The following LRRC69 variants were observed in gnomAD, a reference collection of about 807,000 sequenced individuals.
The protein encoded by LRRC69 is leucine rich repeat containing 69.
LRRC69 carries 42 observed loss-of-function variants against 37.8 expected under a neutral mutation model. That is an observed-to-expected ratio of 1.11 (90% CI 0.87 to 1.44). The LOEUF is 1.44. Among genes scored for constraint, LRRC69 ranks in the 40% most tolerant of loss-of-function variants. The pLI is 0.00. For synonymous variants in LRRC69, 141 were observed against 143.1 expected (o/e 0.99, Z 0.11); for missense variants, 357 against 401.9 (o/e 0.89, Z 0.96).
intron 6 of LRRC69, among the ~76,000 whole-genome samples, chr8:91,199,882 C>G (rs75140139): frequency 0.011 from 1,651 of 152,224 alleles, 26 homozygotes; most frequent in African/African-American, 0.037. Flanking sequence ...AGGCAACTTC[C>G]ATTTTCTTAC....
intron 2 of LRRC69, 139 bp downstream of exon 2, chr8:91,124,758 TAGG>T (rs1813690269): frequency 1.2e-5 from 8 of 671,090 alleles, no homozygotes; most frequent in Non-Finnish European, 1.9e-5. Context: ...TCTTGAAATA[TAGG>T]AGGAGACAAC....
rs548168503 is a variant in LRRC69, at chr8:91,157,825, G to A, written c.651+22086G>A. The A allele has an allele frequency of 1.2e-5, 20 of 1,606,890 alleles. 1 individual carries two copies. The South Asian group carries it at 2.1e-4, about 17-fold the overall frequency. ...GGGATTATTCCCCACAAAGGGAGTG[G>A]GAAAAGGAGCTGCATCATTTACAAG... On this transcript the variant is annotated intron_variant, in intron 5 of 7. Coordinates refer to ENST00000448384, the Ensembl canonical transcript of LRRC69.
intron 5 of LRRC69, among the ~76,000 whole-genome samples, chr8:91,153,114 C>T (rs1223980336): frequency 6.6e-6 from 1 of 150,546 alleles, no homozygotes; most frequent in African/African-American, 2.4e-5. Flanking sequence ...CAACAAAAAT[C>T]AAAAAAGAAA....
intron 7 of LRRC69, among the ~76,000 whole-genome samples, chr8:91,210,069 G>C (rs1357686322): frequency 6.6e-6 from 1 of 152,150 alleles, no homozygotes; most frequent in African/African-American, 2.4e-5. Flanking sequence ...TGGAGTCATA[G>C]ACAGAACCAA....
intron 5 of LRRC69, among the ~76,000 whole-genome samples, chr8:91,167,942 G>A (rs552796814): frequency 3.3e-5 from 5 of 151,972 alleles, no homozygotes; most frequent in African/African-American, 1.2e-4. Flanking sequence ...AATTCCCCAA[G>A]TCTCAATTTC....
intron 5 of LRRC69, among the ~76,000 whole-genome samples, chr8:91,141,378 T>C (rs1808530817): frequency 6.6e-6 from 1 of 152,114 alleles, no homozygotes; most frequent in Non-Finnish European, 1.5e-5. Flanking sequence ...CTGCAAAGAC[T>C]CTGTTTCCAA....
At chr8:91,111,518 A>G (rs1019609288) in intron 1 of LRRC69, among the ~76,000 whole-genome samples, 2 of 152,048 alleles carry the variant, frequency 1.3e-5, no homozygotes, top group African/African-American at 2.4e-5. Flanking sequence ...TGGGTGACAA[A>G]GTGAGACTCC....
chr8:91,141,862 AC>A (rs1455238324), intron 5 of LRRC69, among the ~76,000 whole-genome samples: 1 of 151,976 alleles, frequency 6.6e-6, no homozygotes, highest in African/African-American at 2.4e-5. Context: ...TGCCTTCATA[AC>A]TTTTGATGAT....
chr8:91,121,102 G>A (rs953639580), intron 1 of LRRC69, among the ~76,000 whole-genome samples: 2 of 151,640 alleles, frequency 1.3e-5, no homozygotes, highest in Non-Finnish European at 2.9e-5. Flanking sequence ...CAACATTCTG[G>A]CTCTTCATCC....
chr8:91,178,510 A>C (rs192405026), intron 5 of LRRC69, among the ~76,000 whole-genome samples: 4 of 152,318 alleles, frequency 2.6e-5, no homozygotes, highest in African/African-American at 9.6e-5. Flanking sequence ...AAATTGAGGC[A>C]AATATTTTGT....
chr8:91,139,609 G>C (rs532533954), intron 5 of LRRC69, among the ~76,000 whole-genome samples: 1 of 151,414 alleles, frequency 6.6e-6, no homozygotes, highest in Non-Finnish European at 1.5e-5. Flanking sequence ...AGTGAGCCGA[G>C]ATTGCACCAC....
chr8:91,147,852 T>A (rs1008628834), intron 5 of LRRC69, among the ~76,000 whole-genome samples: 1 of 151,624 alleles, frequency 6.6e-6, no homozygotes, highest in Admixed American at 6.6e-5. Flanking sequence ...TTGTTCTGAT[T>A]TTCTCCCCAC....
rs1282294122 is a variant in LRRC69, at chr8:91,211,618, T to TATA, written c.934-7272_934-7271insATA. 3.6e-3 allele frequency among the ~76,000 whole-genome samples: 456 copies of TATA among 125,062 alleles called. 1 individual carries two copies. Among genetic ancestry groups the TATA allele is most frequent in the Middle Eastern group, 4.8e-3 (1 of 210 alleles). The allele number at this position is 125,062 out of a possible 152,430, so 82.0% of individuals were successfully genotyped here. On this transcript the variant is annotated intron_variant, in intron 7 of 7. Transcript: ENST00000448384. ...CAAATATATATATATATATATATAT[T>TATA]TTTTTTTTATTTTTTTTGCTTGGAA...
intron 1 of LRRC69, among the ~76,000 whole-genome samples, chr8:91,104,221 A>G (rs1813268662): frequency 6.6e-6 from 1 of 151,116 alleles, no homozygotes; most frequent in South Asian, 2.1e-4. Flanking sequence ...GTCTCTTTTG[A>G]CTCCCCACTT....
intron 6 of LRRC69, among the ~76,000 whole-genome samples, chr8:91,190,724 A>C (rs1809479341): frequency 6.6e-6 from 1 of 152,136 alleles, no homozygotes. Context: ...TGGATGTTTA[A>C]ATTATTAATA....
At chr8:91,104,276 C>T (rs1813269599) in intron 1 of LRRC69, among the ~76,000 whole-genome samples, 2 of 151,940 alleles carry the variant, frequency 1.3e-5, no homozygotes, top group Admixed American at 1.3e-4. Flanking sequence ...TTCAGCTGTC[C>T]TTTCCTCTCC....
chr8:91,172,308 C>T (rs1809148094), intron 5 of LRRC69, among the ~76,000 whole-genome samples: 1 of 151,966 alleles, frequency 6.6e-6, no homozygotes, highest in African/African-American at 2.4e-5. Context: ...AAATTATGCA[C>T]ACTTCTACTG....
intron 5 of LRRC69, among the ~76,000 whole-genome samples, chr8:91,170,788 C>A: frequency 9.2e-6 from 1 of 108,946 alleles, no homozygotes; most frequent in African/African-American, 3.7e-5. Flanking sequence ...GACCTAAAAC[C>A]ATAAAAACCC....
At chr8:91,165,483 A>C (rs1809011750) in intron 5 of LRRC69, among the ~76,000 whole-genome samples, 1 of 151,786 alleles carries the variant, frequency 6.6e-6, no homozygotes, top group Non-Finnish European at 1.5e-5. Flanking sequence ...TTCAGAATGC[A>C]AAAGTTTTGC....
Sources: allele counts gnomAD v4.1 joint callset (sites outside exome capture counted in the v4.1 genomes callset), GRCh38; gene constraint gnomAD v4.1.1; transcripts MANE v1.5; gene names NCBI Gene and HGNC (gene_info 2026-07-23, HGNC 2026-07-21).